The following SUGT1 variants were observed in gnomAD, a reference collection of about 807,000 sequenced individuals.
SUGT1 encodes SGT1 assembly cochaperone of MIS12 kinetochore complex.
Under a neutral mutation model 56.1 loss-of-function variants are expected in SUGT1, and 15 were observed. The ratio of observed to expected loss-of-function variants is 0.27; its 90% CI spans 0.18 to 0.41. The LOEUF (loss-of-function observed/expected upper bound fraction) is 0.41, where lower values mean the gene tolerates loss of function less well. SUGT1 is among the 10% of genes least tolerant of loss of function. SUGT1 has a pLI of 1.00. For missense variants in SUGT1, 347 were observed against 382.2 expected, an observed-to-expected ratio of 0.91 and a Z score of 0.77; for synonymous variants, 123 against 128.6, an observed-to-expected ratio of 0.96 and a Z score of 0.30.
At chr13:52,661,322 G>C (rs373478051) in intron 5 of SUGT1, among the ~76,000 whole-genome samples, 98 of 151,778 alleles carry the variant, frequency 6.5e-4, no homozygotes, top group African/African-American at 2.2e-3. Flanking sequence ...TTGTTTGTTT[G>C]TTTCTTTTTT....
rs535772923 is a variant in SUGT1 at position 52,654,781 on chromosome 13, G to A, written c.96+1678G>A. Among the ~76,000 whole-genome samples, 3 of 152,346 alleles carry A rather than the reference G, an allele frequency of 2.0e-5. No homozygotes were observed. In the East Asian group the frequency reaches 5.8e-4, roughly 29 times the overall value. The stretch of plus-strand genomic sequence containing the variant: ...GAAGTAGTAGTTCTTTCGCATTGCT[G>A]TGTAATATTCCATTGTATAAATATA... On this transcript the variant is annotated intron_variant, in intron 2 of 12. Coordinates refer to ENST00000310528, the MANE Select transcript of SUGT1 (RefSeq NM_006704.5).
chr13:52,661,515 A>G (rs1194619945), intron 5 of SUGT1: 6 of 358,952 alleles, frequency 1.7e-5, no homozygotes, highest in East Asian at 2.5e-4. Flanking sequence ...CTGGTCTCCA[A>G]CTCTTGACCT....
chr13:52,668,219 A>G (rs1043155872), intron 10 of SUGT1, among the ~76,000 whole-genome samples: 3 of 152,112 alleles, frequency 2.0e-5, no homozygotes, highest in Non-Finnish European at 2.9e-5. Flanking sequence ...TGACCACGTG[A>G]TCTGCCCACC....
At chr13:52,687,588 TC>T (rs1325545708) in intron 12 of SUGT1, 145 bp from the exon 13 acceptor site, 1 of 409,436 alleles carries the variant, frequency 2.4e-6, no homozygotes, top group Non-Finnish European at 4.2e-6. Context: ...ATCTGTATAA[TC>T]TATTATATAT....
chr13:52,657,384 A>C (rs1962219316), intron 2 of SUGT1, 148 bp from the exon 3 acceptor site: 1 of 720,492 alleles, frequency 1.4e-6, no homozygotes, highest in African/African-American at 1.8e-5. Flanking sequence ...TGATCCTTTT[A>C]TAAGGAAAAA....
rs1300719053 is a variant in SUGT1, at chr13:52,697,596, T to A, written c.*9761T>A. The stretch of plus-strand genomic sequence containing the variant: ...CCTGAAGAAATTTTGAGATACTGAG[T>A]ACTAGAAAACCCTCTTTGATGAGGG... On this transcript the variant is annotated 3_prime_UTR_variant, in exon 13 of 13. Coordinates refer to ENST00000310528, the MANE Select transcript of SUGT1 (RefSeq NM_006704.5). 1.3e-5 allele frequency: 2 copies of A among 152,190 alleles called. No homozygotes were observed. The highest frequency in any genetic ancestry group is 1.5e-5 in the Non-Finnish European group (1 of 68,034). The allele number at this position is 152,190 out of a possible 1,614,324, so 9.4% of individuals were successfully genotyped here.
At position 52,658,142 on chromosome 13, in the gene SUGT1, A is replaced by G. The variant is rs573132983; in HGVS notation, c.188-257A>G. On this transcript the variant is annotated intron_variant, in intron 3 of 12. Coordinates refer to ENST00000310528, the MANE Select transcript of SUGT1 (RefSeq NM_006704.5). ...GAGTAAAATTACATAGAAAATGTTA[A>G]TGAGACAAGGAGGTGAATTTTGTGA... 18 of 1,391,190 alleles carry G rather than the reference A, an allele frequency of 1.3e-5. No homozygotes were observed. In the Admixed American group the frequency reaches 5.0e-4, roughly 39 times the overall value. The allele number at this position is 1,391,190 out of a possible 1,614,324, so 86.2% of individuals were successfully genotyped here. A position where few individuals can be genotyped will look rare whatever the true frequency, so the allele number is the denominator to read the frequency against.
rs1328336484 is a variant in SUGT1, at chr13:52,653,058, C to A, written c.51C>A (p.Ser17Arg). 1 of 1,614,062 alleles carries A rather than the reference C, an allele frequency of 6.2e-7. No homozygotes were observed. The highest frequency in any genetic ancestry group is 1.3e-5 in the African/African-American group (1 of 74,922). Residue 17 changes from serine (S) to arginine (R), a missense_variant, in exon 2 of 13, where the codon AGC (serine) becomes AGA (arginine). By Grantham distance (110) the Ser-to-Arg change is moderately radical. Transcript: ENST00000310528. ...GTATSQRFFQ[S>R]FSDALIDEDP... ...GTTTTCCTGACAGGTTTTTCCAGAGCTTCTCGGATGCCCTAATCGACGAGG... is the reference window on the plus strand; with the variant it reads ...GTTTTCCTGACAGGTTTTTCCAGAGATTCTCGGATGCCCTAATCGACGAGG...
chr13:52,678,487 G>C (rs865960645), intron 11 of SUGT1, among the ~76,000 whole-genome samples: 2 of 152,054 alleles, frequency 1.3e-5, no homozygotes, highest in Non-Finnish European at 2.9e-5. Context: ...ATACTGATGG[G>C]GAAATTTTGA....
In SUGT1 at chr13:52,692,276, A is replaced by T. The variant is rs117776342; in HGVS notation, c.*4441A>T. The T allele has an allele frequency of 6.6e-6, 1 of 152,234 alleles. No individual in the cohort carries two copies. The highest frequency in any genetic ancestry group is 2.4e-5 in the African/African-American group (1 of 41,460). The allele number at this position is 152,234 out of a possible 1,614,324, so 9.4% of individuals were successfully genotyped here. ...GCTGGGATTTGAACCCAGGCCTATC[A>T]GACTCCATTACCCATACTTCTGACA... On this transcript the variant is annotated 3_prime_UTR_variant, in exon 13 of 13. Coordinates refer to ENST00000310528, the MANE Select transcript of SUGT1 (RefSeq NM_006704.5).
intron 11 of SUGT1, among the ~76,000 whole-genome samples, chr13:52,679,691 G>T (rs1963291581): frequency 6.6e-6 from 1 of 152,066 alleles, no homozygotes; most frequent in Non-Finnish European, 1.5e-5. Flanking sequence ...TGAAGAATCT[G>T]CTTTTAATCT....
chr13:52,669,606 G>A (rs1250055028), intron 10 of SUGT1, among the ~76,000 whole-genome samples: 1 of 152,074 alleles, frequency 6.6e-6, no homozygotes, highest in Non-Finnish European at 1.5e-5. Context: ...CTTTGCTTAG[G>A]TTTTTCTAAG....
In SUGT1 at chr13:52,655,683, A is replaced by AGATAGCACTTAGGAT. The variant is rs565832017; in HGVS notation, c.97-1836_97-1822dup. ...TTGTAGGAACTGGTGCCATTCATTT[A>AGATAGCACTTAGGAT]GATAGCACTTAGGATGATAGCACTT... On this transcript the variant is annotated intron_variant, in intron 2 of 12. Transcript: ENST00000310528. Among the ~76,000 whole-genome samples, 431 of 152,338 alleles carry AGATAGCACTTAGGAT rather than the reference A, an allele frequency of 2.8e-3. 3 individuals are homozygous for AGATAGCACTTAGGAT. Among genetic ancestry groups the AGATAGCACTTAGGAT allele is most frequent in the African/African-American group, 9.6e-3 (401 of 41,568 alleles).
chr13:52,684,003 C>T (rs1032272536), intron 12 of SUGT1, among the ~76,000 whole-genome samples: 7 of 152,328 alleles, frequency 4.6e-5, no homozygotes, highest in Admixed American at 4.6e-4. Flanking sequence ...ATCTCAGCCT[C>T]TCCAGTAGCT....
At position 52,696,526 on chromosome 13, in the gene SUGT1, T is replaced by C. The variant is rs1312450693; in HGVS notation, c.*8691T>C. The C allele has an allele frequency of 1.3e-5, 2 of 152,200 alleles. No individual in the cohort carries two copies. Among genetic ancestry groups the C allele is most frequent in the Non-Finnish European group, 2.9e-5 (2 of 68,030 alleles). The allele number at this position is 152,200 out of a possible 1,614,324, so 9.4% of individuals were successfully genotyped here. ...CTTTCACATAGTATGTACTCAAATA[T>C]TGGAAGTTACTCATCCCAAACCATA... is the stretch of plus-strand genomic sequence containing the variant. On this transcript the variant is annotated 3_prime_UTR_variant, in exon 13 of 13. Coordinates refer to ENST00000310528, the MANE Select transcript of SUGT1 (RefSeq NM_006704.5).
chr13:52,657,068 T>G (rs1006716480), intron 2 of SUGT1, among the ~76,000 whole-genome samples: 1 of 152,190 alleles, frequency 6.6e-6, no homozygotes, highest in African/African-American at 2.4e-5. Context: ...GTACACTTGA[T>G]TGTGTATGTA....
rs1963788059 is a variant in SUGT1 at position 52,691,870 on chromosome 13, A to G, written c.*4035A>G. The G allele has an allele frequency of 1.3e-5, 2 of 152,156 alleles. No individual in the cohort carries two copies. The highest frequency in any genetic ancestry group is 4.8e-5 in the African/African-American group (2 of 41,436). The allele number at this position is 152,156 out of a possible 1,614,324, so 9.4% of individuals were successfully genotyped here. On this transcript the variant is annotated 3_prime_UTR_variant, in exon 13 of 13. Coordinates refer to ENST00000310528, the MANE Select transcript of SUGT1 (RefSeq NM_006704.5). Reference sequence around the variant, plus strand: ...GTGGTTTCCCTTTCTCCATCTGTGCATTTTTTAAATCGTAAGATCATTTTA... The same window carrying G: ...GTGGTTTCCCTTTCTCCATCTGTGCGTTTTTTAAATCGTAAGATCATTTTA...
chr13:52,676,457 G>A (rs575143310), intron 11 of SUGT1, 137 bp downstream of exon 11: 44 of 684,666 alleles, frequency 6.4e-5, no homozygotes, highest in African/African-American at 5.0e-4. Flanking sequence ...AGGTTGCTCC[G>A]TAATGAATAT....
At chr13:52,680,488 T>C (rs1963327936) in intron 12 of SUGT1, among the ~76,000 whole-genome samples, 2 of 152,174 alleles carry the variant, frequency 1.3e-5, no homozygotes, top group African/African-American at 2.4e-5. Context: ...GTGTTAGAGA[T>C]GAAGAATATA....
Sources: gnomAD v4.1 joint callset for allele counts (sites outside exome capture counted in the v4.1 genomes callset) on GRCh38, gnomAD v4.1.1 for gene constraint, MANE v1.5 for transcripts, NCBI Gene and HGNC (gene_info 2026-07-23, HGNC 2026-07-21) for gene names.